Variants in MFSD6 observed in about 807,000 individuals in gnomAD.
MFSD6 encodes major facilitator superfamily domain containing 6.
MFSD6 carries 26 observed loss-of-function variants against 56.3 expected under a neutral mutation model. That is an observed-to-expected ratio of 0.46 (90% CI 0.34 to 0.64). The LOEUF (loss-of-function observed/expected upper bound fraction) is 0.64, where lower values mean the gene tolerates loss of function less well. Among genes scored for constraint, MFSD6 ranks in the 30% least tolerant of loss-of-function variants. MFSD6 has a pLI of 0.01. For missense variants in MFSD6, 750 were observed against 986.2 expected, an observed-to-expected ratio of 0.76 and a Z score of 3.21; for synonymous variants, 331 against 366.9, an observed-to-expected ratio of 0.90 and a Z score of 1.12.
rs1390293491 is a variant in MFSD6 at position 190,426,708 on chromosome 2, C to T, written c.-53-9269C>T. ...TTTTCAAAATGGTTGTCATTCCTGT[C>T]ATCTCAATGTTGGCATCCATTGATT... On this transcript the variant is annotated intron_variant, in intron 2 of 7. Transcript: ENST00000392328. The surrounding 1 kb of genome is among the most constrained non-coding windows in gnomAD (Gnocchi z 4.7). Among the ~76,000 whole-genome samples, 1 of 152,166 alleles carries T rather than the reference C, an allele frequency of 6.6e-6. No individual in the cohort carries two copies. Among genetic ancestry groups the T allele is most frequent in the African/African-American group, 2.4e-5 (1 of 41,436 alleles).
chr2:190,479,999 C>T (rs1373050123), intron 4 of MFSD6, among the ~76,000 whole-genome samples: 4 of 152,052 alleles, frequency 2.6e-5, no homozygotes, highest in African/African-American at 7.2e-5. Context: ...CCTGTCTCTA[C>T]AAAATATTTA....
At position 190,488,865 on chromosome 2, in the gene MFSD6, G is replaced by C. The variant is rs1368679303; in HGVS notation, c.1792+47G>C. On this transcript the variant is annotated intron_variant, in intron 5 of 7. Transcript: ENST00000392328. The surrounding 1 kb of genome is among the most constrained non-coding windows in gnomAD (Gnocchi z 6.4). Reference sequence around the variant, plus strand: ...TTTTTCTTTTCTATTATTAAAACATGATTTTTTCCAGCAATACCTCAATAA... The same window carrying C: ...TTTTTCTTTTCTATTATTAAAACATCATTTTTTCCAGCAATACCTCAATAA... The C allele has an allele frequency of 6.8e-7, 1 of 1,473,234 alleles. No homozygotes were observed. The highest frequency in any genetic ancestry group is 2.5e-5 in the East Asian group (1 of 40,596). The allele number at this position is 1,473,234 out of a possible 1,614,324, so 91.3% of individuals were successfully genotyped here.
intron 6 of MFSD6, among the ~76,000 whole-genome samples, chr2:190,493,819 A>C (rs369524522): frequency 6.6e-6 from 1 of 152,300 alleles, no homozygotes. Context: ...GAACTGAACA[A>C]TAATAGTGAC....
chr2:190,430,834 C>T (rs534448847), intron 2 of MFSD6, among the ~76,000 whole-genome samples: 106 of 145,160 alleles, frequency 7.3e-4, no homozygotes, highest in African/African-American at 2.5e-3. Flanking sequence ...GGCGGCCGGC[C>T]GGGCGGGGGC....
rs1181762167 is a variant in MFSD6, at chr2:190,487,978, C to T, written c.1631-679C>T. Among the ~76,000 whole-genome samples, 1 of 152,168 alleles carries T rather than the reference C, an allele frequency of 6.6e-6. No individual in the cohort carries two copies. The highest frequency in any genetic ancestry group is 1.5e-5 in the Non-Finnish European group (1 of 68,020). On this transcript the variant is annotated intron_variant, in intron 4 of 7. Coordinates refer to ENST00000392328, the MANE Select transcript of MFSD6 (RefSeq NM_017694.4). The surrounding 1 kb of genome is among the most constrained non-coding windows in gnomAD (Gnocchi z 5.5). ...AGTGCAGTGGCGTGATCTTGGCTCACTGCAACCTCTGCCTCCTGGGTTCAA... is the reference window on the plus strand; with the variant it reads ...AGTGCAGTGGCGTGATCTTGGCTCATTGCAACCTCTGCCTCCTGGGTTCAA...
rs777184056 is a variant in MFSD6, at chr2:190,436,864, T to C, written c.835T>C (p.Tyr279His). ...SLPSDQVMLV[Y>H]DQQEVEAIFL... ...ACCTTCTGACCAAGTCATGCTTGTTTATGATCAACAAGAAGTTGAAGCTAT... is the reference window on the plus strand; with the variant it reads ...ACCTTCTGACCAAGTCATGCTTGTTCATGATCAACAAGAAGTTGAAGCTAT... The change falls in exon 3 of 8, where the codon TAT (tyrosine) becomes CAT (histidine). Residue 279 changes from tyrosine (Y) to histidine (H), a missense_variant. By Grantham distance (83) the Tyr-to-His change is moderately conservative. Coordinates refer to ENST00000392328, the MANE Select transcript of MFSD6 (RefSeq NM_017694.4). This position sits in a 1 kb window ranked among gnomAD's most constrained non-coding sequence, Gnocchi z 5.3. 3 of 1,614,254 alleles carry C rather than the reference T, an allele frequency of 1.9e-6. No homozygotes were observed. The highest frequency in any genetic ancestry group is 2.5e-6 in the Non-Finnish European group (3 of 1,180,042).
intron 4 of MFSD6, among the ~76,000 whole-genome samples, chr2:190,481,210 T>C (rs1014941435): frequency 5.3e-5 from 8 of 152,244 alleles, no homozygotes; most frequent in Admixed American, 4.6e-4. Context: ...CTTAAAGGTA[T>C]GCCAAAGGCA....
chr2:190,427,123 TG>T lies in MFSD6; in HGVS notation c.-53-8853del, dbSNP rs573385834. Among the ~76,000 whole-genome samples the T allele has an allele frequency of 5.9e-5, 9 of 152,364 alleles. No individual in the cohort carries two copies. In the South Asian group the frequency reaches 1.9e-3, roughly 32 times the overall value. On this transcript the variant is annotated intron_variant, in intron 2 of 7. Coordinates refer to ENST00000392328, the MANE Select transcript of MFSD6 (RefSeq NM_017694.4). ...AGTCCTGATTCTCTACTGTAACTCC[TG>T]ACATCACCCCAGTGGGGAAAGGTAA...
rs1057159433 is a variant in MFSD6, at chr2:190,433,929, G to A, written c.-53-2048G>A. Among the ~76,000 whole-genome samples the A allele has an allele frequency of 1.3e-5, 2 of 152,092 alleles. No individual in the cohort carries two copies. Among genetic ancestry groups the A allele is most frequent in the African/African-American group, 4.8e-5 (2 of 41,424 alleles). On this transcript the variant is annotated intron_variant, in intron 2 of 7. Coordinates refer to ENST00000392328, the MANE Select transcript of MFSD6 (RefSeq NM_017694.4). This position sits in a 1 kb window ranked among gnomAD's most constrained non-coding sequence, Gnocchi z 4.5. ...AAGGAGGCAGGGTGCAGTGGTTCACGCCTGTAATCCCAGCACTTTGGGAGG... is the reference window on the plus strand; with the variant it reads ...AAGGAGGCAGGGTGCAGTGGTTCACACCTGTAATCCCAGCACTTTGGGAGG...
Position 190,494,657 on chromosome 2 carries a change from A to C in MFSD6, c.1892-2782A>C, listed in dbSNP as rs186895364. ...GTCAAAAAGATAATCCACCATGATC[A>C]ACTGGGTTTCATACCAGGGATGCAG... On this transcript the variant is annotated intron_variant, in intron 6 of 7. Transcript: ENST00000392328. The surrounding 1 kb of genome is among the most constrained non-coding windows in gnomAD (Gnocchi z 5.7). Among the ~76,000 whole-genome samples, 2 of 152,362 alleles carry C rather than the reference A, an allele frequency of 1.3e-5. No homozygotes were observed. Among genetic ancestry groups the C allele is most frequent in the East Asian group, 3.9e-4 (2 of 5,194 alleles).
At position 190,482,868 on chromosome 2, in the gene MFSD6, C is replaced by CTTTTTTTT. The variant is rs199927176; in HGVS notation, c.1631-5761_1631-5754dup. On this transcript the variant is annotated intron_variant, in intron 4 of 7. Coordinates refer to ENST00000392328, the MANE Select transcript of MFSD6 (RefSeq NM_017694.4). ...GGAGAAGAGTTATTAAGACTATCAT[C>CTTTTTTTT]TTTTTTTTTTTTTTTTTTTTTTTTT... Among the ~76,000 whole-genome samples the CTTTTTTTT allele has an allele frequency of 8.7e-4, 42 of 48,276 alleles. 10 individuals are homozygous for CTTTTTTTT. The highest frequency in any genetic ancestry group is 1.4e-3 in the East Asian group (2 of 1,434). The allele number at this position is 48,276 out of a possible 152,430, so 31.7% of individuals were successfully genotyped here.
At chr2:190,419,268 G>A (rs1050837629) in intron 2 of MFSD6, among the ~76,000 whole-genome samples, 2 of 152,156 alleles carry the variant, frequency 1.3e-5, no homozygotes, top group Admixed American at 6.5e-5. Flanking sequence ...AGATTCTAAC[G>A]CTCTTTTACA....
rs532966863 is a variant in MFSD6 at position 190,463,061 on chromosome 2, A to G, written c.1533-6697A>G. 8.2e-4 allele frequency among the ~76,000 whole-genome samples: 125 copies of G among 152,296 alleles called. No individual in the cohort carries two copies. The highest frequency in any genetic ancestry group is 1.7e-3 in the Non-Finnish European group (114 of 68,008). On this transcript the variant is annotated intron_variant, in intron 3 of 7. Transcript: ENST00000392328. The surrounding 1 kb of genome is among the most constrained non-coding windows in gnomAD (Gnocchi z 4.4). ...GAGATGCCATGGAGAGGACAAAAAA[A>G]GGGGAGAGAAGACAAGAGATTCCAG...
chr2:190,485,274 T>A lies in MFSD6; in HGVS notation c.1631-3383T>A, dbSNP rs73979254. On this transcript the variant is annotated intron_variant, in intron 4 of 7. Transcript: ENST00000392328. This position sits in a 1 kb window ranked among gnomAD's most constrained non-coding sequence, Gnocchi z 5.1. Reference sequence around the variant, plus strand: ...AAGAATAACTGCTAGAATTGTTTTTTATCTAGAATTATAATAAATATATTT... The same window carrying A: ...AAGAATAACTGCTAGAATTGTTTTTAATCTAGAATTATAATAAATATATTT... 0.016 allele frequency among the ~76,000 whole-genome samples: 2,506 copies of A among 152,286 alleles called. 71 individuals carry two copies. The highest frequency in any genetic ancestry group is 0.057 in the African/African-American group (2,362 of 41,578).
At chr2:190,475,298 T>C (rs779958666) in intron 4 of MFSD6, among the ~76,000 whole-genome samples, 2 of 152,336 alleles carry the variant, frequency 1.3e-5, no homozygotes, top group South Asian at 2.1e-4. Context: ...GATGACATGA[T>C]TGTATATCTA....
In MFSD6 at chr2:190,461,582, G is replaced by A. The variant is rs537089069; in HGVS notation, c.1533-8176G>A. Reference sequence around the variant, plus strand: ...GCAAGATCAAAGTGTTGGCAGGTTCGGTGACTGGTAAAGGCCTCGTTCTCT... The same window carrying A: ...GCAAGATCAAAGTGTTGGCAGGTTCAGTGACTGGTAAAGGCCTCGTTCTCT... On this transcript the variant is annotated intron_variant, in intron 3 of 7. Coordinates refer to ENST00000392328, the MANE Select transcript of MFSD6 (RefSeq NM_017694.4). The surrounding 1 kb of genome is among the most constrained non-coding windows in gnomAD (Gnocchi z 5.5). 3.0e-4 allele frequency among the ~76,000 whole-genome samples: 46 copies of A among 152,266 alleles called. No individual in the cohort carries two copies. Among genetic ancestry groups the A allele is most frequent in the Middle Eastern group, 3.4e-3 (1 of 294 alleles).
At chr2:190,444,619 T>G (rs1218915535) in intron 3 of MFSD6, among the ~76,000 whole-genome samples, 4 of 152,184 alleles carry the variant, frequency 2.6e-5, no homozygotes, top group Non-Finnish European at 1.5e-5. Flanking sequence ...TTGTTTGTGT[T>G]TTTCATTTAT....
At chr2:190,478,378 C>T (rs1429995423) in intron 4 of MFSD6, among the ~76,000 whole-genome samples, 4 of 152,240 alleles carry the variant, frequency 2.6e-5, no homozygotes, top group African/African-American at 9.6e-5. Context: ...ATTTTGACTG[C>T]ACAACAAAAT....
rs955936305 is a variant in MFSD6, at chr2:190,492,351, T to C, written c.1891+2485T>C. Among the ~76,000 whole-genome samples, 3 of 152,204 alleles carry C rather than the reference T, an allele frequency of 2.0e-5. No individual in the cohort carries two copies. Among genetic ancestry groups the C allele is most frequent in the East Asian group, 1.9e-4 (1 of 5,196 alleles). On this transcript the variant is annotated intron_variant, in intron 6 of 7. Coordinates refer to ENST00000392328, the MANE Select transcript of MFSD6 (RefSeq NM_017694.4). The surrounding 1 kb of genome is among the most constrained non-coding windows in gnomAD (Gnocchi z 5.2). ...TTGCCTAGGCACATTGTCATCAGGCTATCTAAAGTCAAGAGGAAGGAAAGA... is the reference window on the plus strand; with the variant it reads ...TTGCCTAGGCACATTGTCATCAGGCCATCTAAAGTCAAGAGGAAGGAAAGA...
Sources: gnomAD v4.1 joint callset for allele counts (sites outside exome capture counted in the v4.1 genomes callset) on GRCh38, gnomAD v4.1.1 for gene constraint, Gnocchi (gnomAD v3.1) non-coding constraint, MANE v1.5 for transcripts, NCBI Gene and HGNC (gene_info 2026-07-23, HGNC 2026-07-21) for gene names.